Variants in ELAPOR1 observed in about 807,000 individuals in gnomAD.
ELAPOR1 encodes the protein endosome-lysosome associated apoptosis and autophagy regulator 1.
Under a neutral mutation model 119.7 loss-of-function variants are expected in ELAPOR1, and 77 were observed. The ratio of observed to expected loss-of-function variants is 0.64; its 90% CI spans 0.54 to 0.78. The LOEUF (loss-of-function observed/expected upper bound fraction) is 0.78. Among genes scored for constraint, ELAPOR1 ranks in the 30% least tolerant of loss-of-function variants. The pLI is 0.00. For synonymous variants in ELAPOR1, 481 were observed against 487.2 expected, an observed-to-expected ratio of 0.99 and a Z score of 0.17; for missense variants, 1,115 against 1,270.4, an observed-to-expected ratio of 0.88 and a Z score of 1.86.
intron 2 of ELAPOR1, among the ~76,000 whole-genome samples, chr1:109,162,327 C>T: frequency 6.6e-6 from 1 of 151,612 alleles, no homozygotes; most frequent in East Asian, 1.9e-4. Context: ...TCATTTTTGC[C>T]TTGTATGTCT....
rs144407726 is a variant in ELAPOR1 at position 109,187,819 on chromosome 1, G to A, written c.1042-358G>A. On this transcript the variant is annotated intron_variant, in intron 8 of 21. Coordinates refer to ENST00000369939, the MANE Select transcript of ELAPOR1 (RefSeq NM_020775.5). ...CCACCCTTGTGCCTTTCTGTGTTCT[G>A]GGATTTTCACCAGCTGCTTTTCCTG... 1.0e-3 allele frequency: 1,000 copies of A among 965,832 alleles called. 8 individuals are homozygous for A. The African/African-American group carries it at 0.017, about 16-fold the overall frequency. The allele number at this position is 965,832 out of a possible 1,614,324, so 59.8% of individuals were successfully genotyped here.
chr1:109,164,499 C>A lies in ELAPOR1; in HGVS notation c.275C>A (p.Ser92Tyr), dbSNP rs149450413. ...ACCTTGTCTCTGCCCTGTTTTCCAG[C>A]CTTCTCCTGCAACGCCGGGGAGTTT... is the stretch of plus-strand genomic sequence containing the variant. Reference protein sequence around the residue: ...LPDPIKGTECSFSCNAGEFLD... With the variant: ...LPDPIKGTECYFSCNAGEFLD... The change falls in exon 3 of 22, where the codon TCC becomes TAC. Residue 92 changes from serine (S) to tyrosine (Y), a missense_variant and splice_region_variant. Physicochemically the swap from Ser to Tyr is moderately radical, Grantham distance 144. Coordinates refer to ENST00000369939, the MANE Select transcript of ELAPOR1 (RefSeq NM_020775.5). The A allele has an allele frequency of 4.7e-5, 76 of 1,606,612 alleles. No individual in the cohort carries two copies. In the South Asian group the frequency reaches 4.8e-4, roughly 10 times the overall value.
chr1:109,199,240 CCCCCT>C (rs1462449128), intron 18 of ELAPOR1, among the ~76,000 whole-genome samples: 1 of 152,142 alleles, frequency 6.6e-6, no homozygotes, highest in African/African-American at 2.4e-5. Flanking sequence ...CCACAGGACA[CCCCCT>C]CCCCTCCCCG....
At chr1:109,194,360 G>A (rs747273623) in intron 14 of ELAPOR1, 61 bp from the exon 15 acceptor site, 11 of 1,491,006 alleles carry the variant, frequency 7.4e-6, no homozygotes, top group Non-Finnish European at 1.0e-5. Flanking sequence ...TGCTACTCTT[G>A]GCTGCAGGCC....
At chr1:109,122,522 G>A (rs145843641) in intron 1 of ELAPOR1, among the ~76,000 whole-genome samples, 2 of 151,936 alleles carry the variant, frequency 1.3e-5, no homozygotes, top group East Asian at 1.9e-4. Flanking sequence ...TTAGCTATGT[G>A]TGGTGGCCCA....
At chr1:109,191,101 C>T (rs1653402410) in intron 11 of ELAPOR1, among the ~76,000 whole-genome samples, 1 of 152,120 alleles carries the variant, frequency 6.6e-6, no homozygotes, top group Non-Finnish European at 1.5e-5. Flanking sequence ...AGGACCGCCA[C>T]ATCTGTCATG....
chr1:109,159,223 A>C (rs1651091328), intron 1 of ELAPOR1, among the ~76,000 whole-genome samples: 1 of 152,158 alleles, frequency 6.6e-6, no homozygotes, highest in South Asian at 2.1e-4. Flanking sequence ...GTGTGATCTC[A>C]AAGTGTAGTT....
At position 109,186,969 on chromosome 1, in the gene ELAPOR1, G is replaced by A. The variant is rs542760981; in HGVS notation, c.1042-1208G>A. 1.1e-4 allele frequency: 105 copies of A among 985,570 alleles called. 1 individual carries two copies. In the African/African-American group the frequency reaches 1.5e-3, roughly 14 times the overall value. 61.1% of individuals were successfully genotyped at this position (985,570 alleles called of 1,614,324 possible). On this transcript the variant is annotated intron_variant, in intron 8 of 21. Transcript: ENST00000369939. ...CAGCTCAGAGGAGGAGCACTGAAGCGTGTGCTTTCAGGAGTGCGCATGAAC... is the reference window on the plus strand; with the variant it reads ...CAGCTCAGAGGAGGAGCACTGAAGCATGTGCTTTCAGGAGTGCGCATGAAC...
chr1:109,174,044 A>G (rs1162264301), intron 7 of ELAPOR1, among the ~76,000 whole-genome samples: 2 of 146,252 alleles, frequency 1.4e-5, no homozygotes, highest in African/African-American at 5.1e-5. Flanking sequence ...ATAGGGTCTC[A>G]CTTTATCACC....
At chr1:109,163,300 A>C (rs1166271293) in intron 2 of ELAPOR1, among the ~76,000 whole-genome samples, 1 of 152,218 alleles carries the variant, frequency 6.6e-6, no homozygotes, top group East Asian at 1.9e-4. Flanking sequence ...GAAATCGTGG[A>C]AAACTTTGAA....
In ELAPOR1 at chr1:109,162,008, G is replaced by A. The variant is rs200671391; in HGVS notation, c.268G>A (p.Glu90Lys). The change falls in exon 2 of 22, where the codon GAG becomes AAG. Residue 90 changes from glutamate to lysine, a missense_variant. Physicochemically the swap from Glu to Lys is moderately conservative, Grantham distance 56 (BLOSUM62 1). Transcript: ENST00000369939. ...TSLPDPIKGTECSFSCNAGEF... is the reference protein window; with the variant it reads ...TSLPDPIKGTKCSFSCNAGEF... ...CCTGCCTGACCCCATCAAGGGCACC[G>A]AGTGCTGTAAGCAGCTATCCTGCTC... The A allele has an allele frequency of 6.3e-5, 101 of 1,611,826 alleles. No homozygotes were observed. Among genetic ancestry groups the A allele is most frequent in the African/African-American group, 8.0e-5 (6 of 75,022 alleles).
intron 1 of ELAPOR1, among the ~76,000 whole-genome samples, chr1:109,120,604 G>C (rs1047174634): frequency 6.6e-6 from 1 of 151,862 alleles, no homozygotes; most frequent in Admixed American, 6.6e-5. Context: ...CCTAGTCTAT[G>C]GTATTTTGTT....
intron 1 of ELAPOR1, among the ~76,000 whole-genome samples, chr1:109,151,380 TGGAGAACAATG>T (rs1650521196): frequency 6.6e-6 from 1 of 152,106 alleles, no homozygotes; most frequent in Admixed American, 6.5e-5. Context: ...TGTGACCAGC[TGGAGAACAATG>T]GGAAACGTCC....
intron 7 of ELAPOR1, among the ~76,000 whole-genome samples, chr1:109,176,611 T>C (rs895989136): frequency 9.4e-5 from 14 of 149,526 alleles, no homozygotes; most frequent in East Asian, 5.8e-4. Context: ...TTTTTCTTTT[T>C]TTTTTTTTTT....
At chr1:109,130,249 T>TA (rs527437131) in intron 1 of ELAPOR1, among the ~76,000 whole-genome samples, 184 of 152,276 alleles carry the variant, frequency 1.2e-3, no homozygotes, top group Non-Finnish European at 2.2e-3. Context: ...GGAGGGACAC[T>TA]ATACAACCCA....
At chr1:109,128,441 A>G (rs1439095546) in intron 1 of ELAPOR1, among the ~76,000 whole-genome samples, 2 of 152,176 alleles carry the variant, frequency 1.3e-5, no homozygotes, top group African/African-American at 4.8e-5. Flanking sequence ...TCCCATCCCA[A>G]TCACATGAAA....
At chr1:109,183,366 G>C (rs1325956492) in intron 7 of ELAPOR1, among the ~76,000 whole-genome samples, 1 of 136,128 alleles carries the variant, frequency 7.3e-6, no homozygotes, top group African/African-American at 2.7e-5. Context: ...AAGAGAGAGA[G>C]AGAGAAAAGA....
chr1:109,198,205 C>T, intron 17 of ELAPOR1, 130 bp downstream of exon 17: 1 of 730,258 alleles, frequency 1.4e-6, no homozygotes, highest in Non-Finnish European at 2.4e-6. Flanking sequence ...CAGATCTGCC[C>T]AGTCATGATA....
chr1:109,203,584 G>A lies in ELAPOR1; in HGVS notation c.*572G>A, dbSNP rs1319368082. The A allele has an allele frequency of 6.6e-6, 1 of 152,134 alleles. No homozygotes were observed. Among genetic ancestry groups the A allele is most frequent in the African/African-American group, 2.4e-5 (1 of 41,066 alleles). The allele number at this position is 152,134 out of a possible 1,614,324, so 9.4% of individuals were successfully genotyped here. A position where few individuals can be genotyped will look rare whatever the true frequency, so the allele number is the denominator to read the frequency against. ...GCCTGGGTAAGAAAAGCCTTGAAAA[G>A]CATAAAAAGAGGCCGGGCGCGGTGG... On this transcript the variant is annotated 3_prime_UTR_variant, in exon 22 of 22. Coordinates refer to ENST00000369939, the MANE Select transcript of ELAPOR1 (RefSeq NM_020775.5).
Sources: allele counts gnomAD v4.1 joint callset (sites outside exome capture counted in the v4.1 genomes callset), GRCh38; gene constraint gnomAD v4.1.1; transcripts MANE v1.5; gene names NCBI Gene and HGNC (gene_info 2026-07-23, HGNC 2026-07-21).